Variants in JMJD1C observed in about 807,000 individuals in gnomAD.
JMJD1C encodes jumonji domain-containing protein 1C.
In JMJD1C, 31 loss-of-function variants were observed where a neutral mutation model predicts 245.3. The observed-to-expected ratio is 0.13, with a 90% CI of 0.09 to 0.17. The LOEUF is 0.17. Among genes scored for constraint, JMJD1C ranks in the 10% least tolerant of loss-of-function variants. The pLI is 1.00. For missense variants in JMJD1C, 2,691 were observed against 3,000.2 expected, an observed-to-expected ratio of 0.90 and a Z score of 2.41; for synonymous variants, 1,057 against 1,017.4, an observed-to-expected ratio of 1.04 and a Z score of -0.74.
chr10:63,286,488 T>C (rs575541253), intron 2 of JMJD1C, among the ~76,000 whole-genome samples: 2 of 152,314 alleles, frequency 1.3e-5, no homozygotes, highest in African/African-American at 4.8e-5. Flanking sequence ...ACTTAGACCT[T>C]TTCTTAACAG....
chr10:63,205,786 G>C (rs1372709751), intron 10 of JMJD1C, among the ~76,000 whole-genome samples: 1 of 152,082 alleles, frequency 6.6e-6, no homozygotes, highest in African/African-American at 2.4e-5. Flanking sequence ...ACAGTCTTAC[G>C]ATCTTATATG....
At chr10:63,508,972 G>C (rs1334661930) in intron 1 of JMJD1C, among the ~76,000 whole-genome samples, 3 of 152,170 alleles carry the variant, frequency 2.0e-5, no homozygotes, top group African/African-American at 7.2e-5. Flanking sequence ...ATGCTGAAAA[G>C]CAATGATTAG....
rs576656004 is a variant in JMJD1C, at chr10:63,462,152, T to C, written c.168+3343A>G. On this transcript the variant is annotated intron_variant, in intron 1 of 25. Coordinates refer to ENST00000399262, the MANE Select transcript of JMJD1C (RefSeq NM_032776.3). Reference sequence around the variant, plus strand: ...AACTTCTTCAACAACTTGGTCCTCCTGCATAAAAAAGGCTTAGATATTTTG... The same window carrying C: ...AACTTCTTCAACAACTTGGTCCTCCCGCATAAAAAAGGCTTAGATATTTTG... Among the ~76,000 whole-genome samples the C allele has an allele frequency of 3.0e-4, 46 of 152,324 alleles. 1 individual carries two copies. Among genetic ancestry groups the C allele is most frequent in the Middle Eastern group, 3.4e-3 (1 of 294 alleles).
chr10:63,434,913 G>C (rs1412383123), intron 1 of JMJD1C, among the ~76,000 whole-genome samples: 1 of 152,126 alleles, frequency 6.6e-6, no homozygotes. Context: ...ACAAAGATTT[G>C]TAATGGACAA....
At chr10:63,278,672 T>G (rs1048172528) in intron 2 of JMJD1C, among the ~76,000 whole-genome samples, 3 of 151,390 alleles carry the variant, frequency 2.0e-5, no homozygotes, top group African/African-American at 7.3e-5. Flanking sequence ...AAATCCTGTC[T>G]CTACTAAAAA....
intron 1 of JMJD1C, among the ~76,000 whole-genome samples, chr10:63,446,010 G>A (rs1951699229): frequency 6.6e-6 from 1 of 151,468 alleles, no homozygotes; most frequent in East Asian, 1.9e-4. Context: ...CAAGTAGCTG[G>A]GTCTACAGGT....
At chr10:63,514,640 G>A (rs1349884133) in intron 1 of JMJD1C, among the ~76,000 whole-genome samples, 1 of 152,036 alleles carries the variant, frequency 6.6e-6, no homozygotes, top group Non-Finnish European at 1.5e-5. Flanking sequence ...GAGGGAGGGA[G>A]GGGGTGGAAG....
chr10:63,420,276 C>G (rs545427995), intron 1 of JMJD1C, among the ~76,000 whole-genome samples: 11 of 152,116 alleles, frequency 7.2e-5, no homozygotes, highest in African/African-American at 2.4e-4. Context: ...CAATAAACAA[C>G]AAAATTTGTA....
chr10:63,191,150 G>T, intron 16 of JMJD1C, 42 bp from the exon 17 acceptor site: 1 of 1,521,756 alleles, frequency 6.6e-7, no homozygotes, highest in South Asian at 1.1e-5. Context: ...GTTTTGTTTT[G>T]AGACGGAGTC....
chr10:63,478,811 A>AG (rs1264166560), intron 1 of JMJD1C, among the ~76,000 whole-genome samples: 1 of 152,134 alleles, frequency 6.6e-6, no homozygotes, highest in African/African-American at 2.4e-5. Context: ...GACCCCCCAG[A>AG]GGTCAAGCTG....
chr10:63,249,016 G>T (rs1280794205), intron 3 of JMJD1C, among the ~76,000 whole-genome samples: 1 of 152,184 alleles, frequency 6.6e-6, no homozygotes, highest in African/African-American at 2.4e-5. Flanking sequence ...TATGTGGGAG[G>T]TTAACAAGTG....
At chr10:63,217,154 T>G in intron 5 of JMJD1C, 53 bp downstream of exon 5, 1 of 1,494,990 alleles carries the variant, frequency 6.7e-7, no homozygotes, top group South Asian at 1.2e-5. Context: ...TTGGGGGGCA[T>G]GGATGATTTG....
intron 1 of JMJD1C, among the ~76,000 whole-genome samples, chr10:63,438,530 T>C (rs1482177141): frequency 6.6e-6 from 1 of 152,108 alleles, no homozygotes; most frequent in Non-Finnish European, 1.5e-5. Flanking sequence ...GTTCATGCCT[T>C]CCCATCTCAT....
chr10:63,365,922 T>C lies in JMJD1C; in HGVS notation c.333+14396A>G, dbSNP rs562098513. On this transcript the variant is annotated intron_variant, in intron 2 of 25. Coordinates refer to ENST00000399262, the MANE Select transcript of JMJD1C (RefSeq NM_032776.3). ...CATGTCTTGGCTGATACGAGTGTTT[T>C]TGTTCGTCTGGGGGCTTTGGCCACT... 1.1e-4 allele frequency among the ~76,000 whole-genome samples: 17 copies of C among 152,312 alleles called. No homozygotes were observed. The South Asian group carries it at 2.9e-3, about 26-fold the overall frequency.
intron 1 of JMJD1C, chr10:63,465,107 T>C (rs1589800196): frequency 2.0e-5 from 5 of 246,202 alleles, no homozygotes; most frequent in Non-Finnish European, 3.9e-5. Flanking sequence ...CCAGGGAAGC[T>C]GGCCGCCTGT....
intron 2 of JMJD1C, among the ~76,000 whole-genome samples, chr10:63,283,777 CTG>C (rs1857667263): frequency 6.6e-6 from 1 of 152,064 alleles, no homozygotes; most frequent in Non-Finnish European, 1.5e-5. Flanking sequence ...TAACTTTGTG[CTG>C]TATTCTACTT....
chr10:63,319,189 G>A (rs1041087194), intron 2 of JMJD1C, among the ~76,000 whole-genome samples: 21 of 150,770 alleles, frequency 1.4e-4, no homozygotes, highest in Admixed American at 5.3e-4. Flanking sequence ...CCCCGGAGGC[G>A]GAGCTTGCAG....
intron 3 of JMJD1C, among the ~76,000 whole-genome samples, chr10:63,254,622 C>T (rs1853588660): frequency 6.6e-6 from 1 of 152,098 alleles, no homozygotes; most frequent in African/African-American, 2.4e-5. Context: ...CTCATTGCAG[C>T]CTTGACCTCC....
At chr10:63,361,365 G>C (rs1415710133) in intron 2 of JMJD1C, among the ~76,000 whole-genome samples, 1 of 152,316 alleles carries the variant, frequency 6.6e-6, no homozygotes, top group Admixed American at 6.5e-5. Flanking sequence ...GGAGGTTGCA[G>C]TGAGCTGAGA....
Sources: gnomAD v4.1 joint callset for allele counts (sites outside exome capture counted in the v4.1 genomes callset) on GRCh38, gnomAD v4.1.1 for gene constraint, MANE v1.5 for transcripts, NCBI Gene and HGNC (gene_info 2026-07-23, HGNC 2026-07-21) for gene names.